Variants in ACACA observed in about 807,000 individuals in gnomAD.
ACACA encodes acetyl-CoA carboxylase alpha.
In ACACA, 103 loss-of-function variants were observed where a neutral mutation model predicts 296.1. The observed-to-expected ratio is 0.35, with a 90% CI of 0.30 to 0.41. ACACA has a LOEUF of 0.41. Ranked by LOEUF, ACACA falls within the 10% of genes least tolerant of loss-of-function variation. The pLI is 1.00. For missense variants in ACACA, 1,554 were observed against 2,989.7 expected, an observed-to-expected ratio of 0.52 and a Z score of 11.20; for synonymous variants, 953 against 1,038.6, an observed-to-expected ratio of 0.92 and a Z score of 1.58.
At chr17:37,390,236 AATATAT>A (rs2050758495) in intron 1 of ACACA, among the ~76,000 whole-genome samples, 1 of 50,030 alleles carries the variant, frequency 2.0e-5, no homozygotes, top group Admixed American at 3.7e-4. Flanking sequence ...AATTATATAT[AATATAT>A]TATATATATA....
At chr17:37,300,589 A>G (rs1478619774) in intron 3 of ACACA, among the ~76,000 whole-genome samples, 1 of 152,222 alleles carries the variant, frequency 6.6e-6, no homozygotes, top group Admixed American at 6.5e-5. Flanking sequence ...ACCTTCAAAA[A>G]CAGAAGTACA....
At chr17:37,393,159 A>C (rs2050953844) in intron 1 of ACACA, among the ~76,000 whole-genome samples, 1 of 147,484 alleles carries the variant, frequency 6.8e-6, no homozygotes, top group Non-Finnish European at 1.5e-5. Context: ...AAAAAAAAAG[A>C]AAAAAAAAAG....
At chr17:37,232,332 T>G (rs1424544469) in intron 25 of ACACA, among the ~76,000 whole-genome samples, 1 of 152,122 alleles carries the variant, frequency 6.6e-6, no homozygotes. Flanking sequence ...AGCCAAGATA[T>G]GCAAAGAAAG....
chr17:37,325,085 C>T (rs2047540744), intron 3 of ACACA, among the ~76,000 whole-genome samples: 1 of 151,060 alleles, frequency 6.6e-6, no homozygotes, highest in African/African-American at 2.4e-5. Context: ...CCTCTAATCC[C>T]AGCTACTCAG....
intron 38 of ACACA, among the ~76,000 whole-genome samples, chr17:37,190,313 C>T (rs536991075): frequency 6.6e-6 from 1 of 152,102 alleles, no homozygotes; most frequent in African/African-American, 2.4e-5. Flanking sequence ...CCTATAGTCC[C>T]TGCTACTCGG....
chr17:37,311,659 A>C (rs1020937738), intron 3 of ACACA, among the ~76,000 whole-genome samples: 3 of 152,112 alleles, frequency 2.0e-5, no homozygotes, highest in African/African-American at 7.2e-5. Context: ...TGTTGCAGAA[A>C]ATGGAAGGCC....
At chr17:37,255,018 T>C (rs1029779278) in intron 14 of ACACA, among the ~76,000 whole-genome samples, 5 of 152,006 alleles carry the variant, frequency 3.3e-5, no homozygotes, top group African/African-American at 4.8e-5. Flanking sequence ...GGAGAATCAC[T>C]TGAACCCAGG....
intron 1 of ACACA, among the ~76,000 whole-genome samples, chr17:37,349,849 G>A (rs192893718): frequency 6.6e-6 from 1 of 152,176 alleles, no homozygotes; most frequent in Non-Finnish European, 1.5e-5. Flanking sequence ...ATGAGCCACT[G>A]CACCTGGCCA....
At chr17:37,093,260 T>A (rs537672607) in intron 54 of ACACA, among the ~76,000 whole-genome samples, 17 of 152,164 alleles carry the variant, frequency 1.1e-4, no homozygotes, top group African/African-American at 3.6e-4. Flanking sequence ...TAAGAGCGAG[T>A]GGGTAGCTGT....
chr17:37,294,467 T>TA (rs1452944095), intron 3 of ACACA, among the ~76,000 whole-genome samples: 89 of 152,338 alleles, frequency 5.8e-4, no homozygotes, highest in African/African-American at 2.0e-3. Flanking sequence ...TAGACATGTA[T>TA]AGACGCACAC....
chr17:37,257,950 A>G, intron 13 of ACACA, 84 bp from the exon 14 acceptor site: 1 of 1,516,402 alleles, frequency 6.6e-7, no homozygotes, highest in East Asian at 2.3e-5. Flanking sequence ...GTTCTCTGTT[A>G]ATCACACACA....
At chr17:37,087,698 T>C (rs1277196263) in intron 55 of ACACA, among the ~76,000 whole-genome samples, 1 of 152,110 alleles carries the variant, frequency 6.6e-6, no homozygotes, top group Admixed American at 6.5e-5. Context: ...AATGGGGGCA[T>C]GTCACAAAGA....
At chr17:37,234,142 A>C (rs899485601) in intron 25 of ACACA, among the ~76,000 whole-genome samples, 1 of 152,234 alleles carries the variant, frequency 6.6e-6, no homozygotes, top group African/African-American at 2.4e-5. Context: ...AGAGACAAAA[A>C]GAAAACTCTA....
chr17:37,096,932 C>T, intron 54 of ACACA, 64 bp downstream of exon 54: 6 of 1,602,004 alleles, frequency 3.7e-6, no homozygotes, highest in Non-Finnish European at 3.4e-6. Flanking sequence ...GCTGGCGAGA[C>T]TTGCAGCCCT....
At position 37,089,374 on chromosome 17, in the gene ACACA, C is replaced by T. The variant is rs556699338; in HGVS notation, c.6892-300G>A. Among the ~76,000 whole-genome samples, 10 of 152,336 alleles carry T rather than the reference C, an allele frequency of 6.6e-5. No individual in the cohort carries two copies. The South Asian group carries it at 1.7e-3, about 25-fold the overall frequency. On this transcript the variant is annotated intron_variant, in intron 54 of 55. Coordinates refer to ENST00000616317, the MANE Select transcript of ACACA (RefSeq NM_198834.3). ...AGACTCTAGGGACCCACCTATTTGACAAAGGCTAAGAGAATTCAATAACCT... is the reference window on the plus strand; with the variant it reads ...AGACTCTAGGGACCCACCTATTTGATAAAGGCTAAGAGAATTCAATAACCT...
intron 1 of ACACA, among the ~76,000 whole-genome samples, chr17:37,385,259 G>A (rs2050475273): frequency 6.6e-6 from 1 of 152,102 alleles, no homozygotes; most frequent in Non-Finnish European, 1.5e-5. Flanking sequence ...ATCACTTGAG[G>A]TCAGGAGTTT....
At chr17:37,201,336 G>T (rs1426091452) in intron 33 of ACACA, among the ~76,000 whole-genome samples, 1 of 151,992 alleles carries the variant, frequency 6.6e-6, no homozygotes, top group African/African-American at 2.4e-5. Flanking sequence ...AGCTACTTGA[G>T]AGAATGAGGC....
chr17:37,093,266 G>C (rs1270433060), intron 54 of ACACA, among the ~76,000 whole-genome samples: 1 of 152,196 alleles, frequency 6.6e-6, no homozygotes, highest in Non-Finnish European at 1.5e-5. Flanking sequence ...CGAGTGGGTA[G>C]CTGTGTGAAC....
intron 3 of ACACA, among the ~76,000 whole-genome samples, chr17:37,327,473 T>A (rs186530253): frequency 7.2e-5 from 11 of 152,334 alleles, no homozygotes; most frequent in Admixed American, 7.2e-4. Flanking sequence ...CCATGGCTCC[T>A]CCACGAGCTA....
Sources: allele counts gnomAD v4.1 joint callset (sites outside exome capture counted in the v4.1 genomes callset), GRCh38; gene constraint gnomAD v4.1.1; transcripts MANE v1.5; gene names NCBI Gene and HGNC (gene_info 2026-07-23, HGNC 2026-07-21).